CHRM5: variants seen among roughly 807,000 people sequenced by gnomAD.
CHRM5 encodes the protein cholinergic receptor muscarinic 5.
A neutral mutation model predicts 39.0 loss-of-function variants in CHRM5; 18 were observed. The observed-to-expected ratio is 0.46, with a 90% confidence interval of 0.32 to 0.68. The LOEUF (loss-of-function observed/expected upper bound fraction) is 0.68. Ranked by LOEUF, CHRM5 falls within the 30% of genes least tolerant of loss-of-function variation. The pLI is 0.04. For missense variants in CHRM5, 515 were observed against 651.1 expected (o/e 0.79, Z 2.28); for synonymous variants, 241 against 246.3 (o/e 0.98, Z 0.20).
intron 1 of CHRM5, chr15:34,002,884 C>T: frequency 1.4e-6 from 1 of 727,110 alleles, no homozygotes; most frequent in Non-Finnish European, 2.1e-6. Flanking sequence ...CCTTACAAGC[C>T]ATTAGAAACA....
chr15:34,004,277 A>C (rs681873), intron 1 of CHRM5, among the ~76,000 whole-genome samples: 151,213 of 152,320 alleles, frequency 0.99, 75,066 homozygotes, highest in Middle Eastern at 1. Context: ...AGTTTCCAGT[A>C]TTGGGCACTG....
intron 1 of CHRM5, among the ~76,000 whole-genome samples, chr15:34,032,008 C>G (rs547107410): frequency 1.7e-5 from 2 of 116,786 alleles, no homozygotes; most frequent in African/African-American, 5.4e-5. Context: ...TCAACACACA[C>G]ATACGCGCGC....
intron 1 of CHRM5, among the ~76,000 whole-genome samples, chr15:33,995,333 T>C (rs1242325193): frequency 6.6e-6 from 1 of 152,112 alleles, no homozygotes; most frequent in Non-Finnish European, 1.5e-5. Context: ...AAATAAAAAA[T>C]AATACAGTAT....
chr15:34,026,419 AAC>A (rs1468413795), intron 1 of CHRM5, among the ~76,000 whole-genome samples: 1 of 152,190 alleles, frequency 6.6e-6, no homozygotes, highest in Non-Finnish European at 1.5e-5. Flanking sequence ...GAGGAAAGGA[AAC>A]ACGGATTAAT....
intron 2 of CHRM5, among the ~76,000 whole-genome samples, chr15:34,061,781 CT>C (rs1900341485): frequency 6.6e-6 from 1 of 152,098 alleles, no homozygotes; most frequent in Non-Finnish European, 1.5e-5. Flanking sequence ...GTAAAACCCC[CT>C]AGATGAAAAC....
chr15:34,018,603 C>G (rs962304332), intron 1 of CHRM5: 1 of 152,228 alleles, frequency 6.6e-6, no homozygotes, highest in Admixed American at 6.5e-5. Context: ...AGTGCAGACC[C>G]AAAGAGTGTG....
rs777912953 is a variant in CHRM5, at chr15:34,026,521, G to A, written c.-407-20019G>A. On this transcript the variant is annotated intron_variant, in intron 1 of 2. Coordinates refer to ENST00000383263, the MANE Select transcript of CHRM5 (RefSeq NM_012125.4). ...TCATATAAGGAAATCAGGAGGTAAT[G>A]TGTGTCAATCACATATAAGCTGACG... 9.9e-5 allele frequency among the ~76,000 whole-genome samples: 15 copies of A among 152,118 alleles called. 1 individual carries two copies. Among genetic ancestry groups the A allele is most frequent in the Admixed American group, 4.6e-4 (7 of 15,266 alleles).
chr15:34,040,526 T>A (rs551226590), intron 1 of CHRM5, among the ~76,000 whole-genome samples: 2 of 152,332 alleles, frequency 1.3e-5, no homozygotes, highest in East Asian at 3.9e-4. Context: ...TTCTACATAC[T>A]TCTCATATCA....
intron 1 of CHRM5, among the ~76,000 whole-genome samples, chr15:34,019,788 T>C (rs552862149): frequency 7.9e-5 from 12 of 152,208 alleles, no homozygotes; most frequent in Non-Finnish European, 1.8e-4. Flanking sequence ...GGCTACACCA[T>C]CTAGGTTTAT....
chr15:34,061,197 G>C (rs919879591), intron 2 of CHRM5, among the ~76,000 whole-genome samples: 1 of 151,792 alleles, frequency 6.6e-6, no homozygotes, highest in East Asian at 1.9e-4. Flanking sequence ...GAGGTGGGAG[G>C]GAGACCTAAT....
At chr15:34,030,553 A>G (rs961733242) in intron 1 of CHRM5, among the ~76,000 whole-genome samples, 45 of 151,876 alleles carry the variant, frequency 3.0e-4, no homozygotes, top group Admixed American at 3.9e-4. Context: ...TCATTGTGTT[A>G]GGCTGACCTT....
chr15:34,011,342 G>A (rs1021075687), intron 1 of CHRM5, among the ~76,000 whole-genome samples: 8 of 152,142 alleles, frequency 5.3e-5, no homozygotes, highest in South Asian at 2.1e-4. Context: ...GTTTCCATTT[G>A]TCTTTGTGTA....
intron 1 of CHRM5, among the ~76,000 whole-genome samples, chr15:33,984,572 T>C (rs1479480636): frequency 2.6e-5 from 4 of 152,078 alleles, no homozygotes; most frequent in South Asian, 2.1e-4. Flanking sequence ...CCGGCTAATT[T>C]TGTATTTTCA....
At chr15:34,029,766 T>C (rs1898683020) in intron 1 of CHRM5, among the ~76,000 whole-genome samples, 1 of 152,208 alleles carries the variant, frequency 6.6e-6, no homozygotes, top group Non-Finnish European at 1.5e-5. Flanking sequence ...AATTGAAGTG[T>C]AATGTATCTG....
Position 34,064,849 on chromosome 15 carries a change from T to C in CHRM5, c.*533T>C, listed in dbSNP as rs1900469411. 1 of 179,560 alleles carries C rather than the reference T, an allele frequency of 5.6e-6. No individual in the cohort carries two copies. Among genetic ancestry groups the C allele is most frequent in the South Asian group, 1.6e-4 (1 of 6,354 alleles). 11.1% of individuals were successfully genotyped at this position (179,560 alleles called of 1,614,324 possible). A position where few individuals can be genotyped will look rare whatever the true frequency, so the allele number is the denominator to read the frequency against. On this transcript the variant is annotated 3_prime_UTR_variant, in exon 3 of 3. Transcript: ENST00000383263. ...TTCATAAACTGATCACTATCTATTA[T>C]GCAGCTATTATGTGGTCTATACTAT...
rs749608809 is a variant in CHRM5, at chr15:34,063,385, G to A, written c.668G>A (p.Arg223Gln). ...CGAATCTACCGGGAAACAGAGAAGC[G>A]AACCAAGGACCTGGCTGACCTCCAG... The part of the protein sequence containing the change: ...YCRIYRETEK[R>Q]TKDLADLQGS... Residue 223 changes from arginine to glutamine, a missense_variant, in exon 3 of 3, where the codon CGA becomes CAA. Physicochemically the swap from Arg to Gln is conservative, Grantham distance 43. Transcript: ENST00000383263. The surrounding 1 kb of genome is among the most constrained non-coding windows in gnomAD (Gnocchi z 4.1). 7.4e-6 allele frequency: 12 copies of A among 1,613,914 alleles called. No individual in the cohort carries two copies. Among genetic ancestry groups the A allele is most frequent in the Non-Finnish European group, 1.0e-5 (12 of 1,180,034 alleles).
intron 1 of CHRM5, among the ~76,000 whole-genome samples, chr15:34,034,180 C>T (rs1453465283): frequency 6.6e-6 from 1 of 152,160 alleles, no homozygotes; most frequent in Non-Finnish European, 1.5e-5. Context: ...TGGTGACTCA[C>T]ATCTGTAACC....
intron 1 of CHRM5, among the ~76,000 whole-genome samples, chr15:33,973,236 G>A (rs1895716060): frequency 6.6e-6 from 1 of 152,106 alleles, no homozygotes; most frequent in Non-Finnish European, 1.5e-5. Context: ...TGAATAATGT[G>A]TTCTTTAAGA....
intron 2 of CHRM5, among the ~76,000 whole-genome samples, chr15:34,048,498 G>C (rs535603425): frequency 6.6e-6 from 1 of 151,862 alleles, no homozygotes; most frequent in African/African-American, 2.4e-5. Context: ...GGACCTCCAT[G>C]TGGGGGTTTC....
Sources: allele counts gnomAD v4.1 joint callset (sites outside exome capture counted in the v4.1 genomes callset), GRCh38; gene constraint gnomAD v4.1.1; non-coding constraint Gnocchi (gnomAD v3.1); transcripts MANE v1.5; gene names NCBI Gene and HGNC (gene_info 2026-07-23, HGNC 2026-07-21).